The following IL1RAPL1 variants were observed in gnomAD, a reference collection of about 807,000 sequenced individuals.
IL1RAPL1 encodes interleukin-1 receptor accessory protein-like 1.
A neutral mutation model predicts 48.4 loss-of-function variants in IL1RAPL1; 3 were observed. The ratio of observed to expected loss-of-function variants is 0.06; its 90% CI spans 0.03 to 0.16. The LOEUF (loss-of-function observed/expected upper bound fraction) is 0.16, where lower values mean the gene tolerates loss of function less well. Ranked by LOEUF, IL1RAPL1 falls within the 10% of genes least tolerant of loss-of-function variation. The pLI is 1.00. For synonymous variants in IL1RAPL1, 185 were observed against 187.7 expected, an observed-to-expected ratio of 0.99 and a Z score of 0.12; for missense variants, 349 against 530.6, an observed-to-expected ratio of 0.66 and a Z score of 3.36.
At chrX:28,759,957 G>T (rs1936149495) in intron 1 of IL1RAPL1, among the ~76,000 whole-genome samples, 1 of 111,618 alleles carries the variant, frequency 9.0e-6, no homozygotes, top group African/African-American at 3.3e-5. Context: ...GTTTTCATTA[G>T]CTACTTTACC....
intron 2 of IL1RAPL1, among the ~76,000 whole-genome samples, chrX:28,971,130 A>C (rs1044334561): frequency 9.0e-6 from 1 of 111,397 alleles, no homozygotes; most frequent in African/African-American, 3.3e-5. Flanking sequence ...TGGCCAGGGT[A>C]TGATGGATTA....
At chrX:29,581,662 T>A (rs766158795) in intron 5 of IL1RAPL1, among the ~76,000 whole-genome samples, 81 of 111,828 alleles carry the variant, frequency 7.2e-4, no homozygotes, top group African/African-American at 2.5e-3. Context: ...ATTTTTTTTT[T>A]AAATCTTCGA....
chrX:29,918,144 A>AAAAAAAAAAAAAATATATATATATAT (rs1555935868), intron 7 of IL1RAPL1, among the ~76,000 whole-genome samples: 1 of 23,767 alleles, frequency 4.2e-5, no homozygotes, highest in Non-Finnish European at 6.6e-5. Flanking sequence ...AAAAAAAAAA[A>AAAAAAAAAAAAAATATATATATATAT]ATATATATAT....
chrX:28,907,715 A>T (rs1321758604), intron 2 of IL1RAPL1, among the ~76,000 whole-genome samples: 28 of 112,365 alleles, frequency 2.5e-4, no homozygotes. Context: ...TATTTGTTGT[A>T]ATGTCTATTA....
At chrX:29,402,963 T>C (rs1934013267) in intron 5 of IL1RAPL1, among the ~76,000 whole-genome samples, 1 of 111,838 alleles carries the variant, frequency 8.9e-6, no homozygotes, top group African/African-American at 3.3e-5. Flanking sequence ...CTGTTGATGT[T>C]GATCTTGATC....
chrX:29,623,937 G>A (rs1387878149), intron 5 of IL1RAPL1, among the ~76,000 whole-genome samples: 1 of 111,907 alleles, frequency 8.9e-6, no homozygotes, highest in Non-Finnish European at 1.9e-5. Flanking sequence ...AGCCCCCATA[G>A]TTAGCTGGAG....
chrX:28,972,165 T>C (rs1218609475), intron 2 of IL1RAPL1, among the ~76,000 whole-genome samples: 1 of 111,510 alleles, frequency 9.0e-6, no homozygotes, highest in Non-Finnish European at 1.9e-5. Flanking sequence ...ATCACTTATA[T>C]TGACTTCCTT....
intron 5 of IL1RAPL1, among the ~76,000 whole-genome samples, chrX:29,422,381 A>T (rs1312424267): frequency 9.0e-6 from 1 of 111,354 alleles, no homozygotes; most frequent in East Asian, 2.8e-4. Context: ...TCAGTTCAGC[A>T]TGTTAAAGTG....
At chrX:29,802,908 T>C (rs1192877575) in intron 6 of IL1RAPL1, among the ~76,000 whole-genome samples, 27 of 54,032 alleles carry the variant, frequency 5.0e-4, no homozygotes, top group Non-Finnish European at 6.5e-4. Context: ...TATATGTGTA[T>C]ATATGTGTAC....
At chrX:29,412,007 A>G (rs1172500608) in intron 5 of IL1RAPL1, among the ~76,000 whole-genome samples, 1 of 111,794 alleles carries the variant, frequency 8.9e-6, no homozygotes, top group African/African-American at 3.2e-5. Context: ...ATGGTGGCTC[A>G]CACCTGTAAT....
At chrX:28,903,729 C>A (rs1923144152) in intron 2 of IL1RAPL1, among the ~76,000 whole-genome samples, 1 of 110,688 alleles carries the variant, frequency 9.0e-6, no homozygotes, top group South Asian at 3.7e-4. Flanking sequence ...CAACAACTAA[C>A]CAAATATCTT....
chrX:29,253,755 C>T (rs1404940995), intron 2 of IL1RAPL1, among the ~76,000 whole-genome samples: 1 of 110,908 alleles, frequency 9.0e-6, no homozygotes, highest in Non-Finnish European at 1.9e-5. Flanking sequence ...TAGGTGGACC[C>T]TGTCAGGAGA....
chrX:29,802,945 A>G (rs376517893), intron 6 of IL1RAPL1, among the ~76,000 whole-genome samples: 1,431 of 50,202 alleles, frequency 0.029, 217 homozygotes, highest in African/African-American at 0.041. Context: ...GTACATATGT[A>G]TGCATATATG....
chrX:29,449,937 AAC>A (rs996964533), intron 5 of IL1RAPL1, among the ~76,000 whole-genome samples: 5 of 110,688 alleles, frequency 4.5e-5, no homozygotes, highest in Non-Finnish European at 9.5e-5. Flanking sequence ...CAAAAAAAAA[AAC>A]AGTCAGGAGA....
chrX:29,069,102 T>TTAGC (rs1217615071), intron 2 of IL1RAPL1, among the ~76,000 whole-genome samples: 1 of 112,156 alleles, frequency 8.9e-6, no homozygotes, highest in Admixed American at 9.5e-5. Context: ...CTTTCTTTGC[T>TTAGC]TAGCTAGCTC....
intron 5 of IL1RAPL1, among the ~76,000 whole-genome samples, chrX:29,445,548 C>T (rs930709533): frequency 8.9e-6 from 1 of 111,846 alleles, no homozygotes; most frequent in Non-Finnish European, 1.9e-5. Flanking sequence ...GAGTTTTATA[C>T]AATATACAGA....
chrX:29,024,411 A>T (rs1602016857), intron 2 of IL1RAPL1, among the ~76,000 whole-genome samples: 2 of 111,970 alleles, frequency 1.8e-5, no homozygotes, highest in South Asian at 7.3e-4. Flanking sequence ...TTAACAACAC[A>T]GATTTTAGCC....
At chrX:29,241,307 G>A (rs144593932) in intron 2 of IL1RAPL1, among the ~76,000 whole-genome samples, 120 of 111,994 alleles carry the variant, frequency 1.1e-3, no homozygotes, top group African/African-American at 3.1e-3. Flanking sequence ...GATAAAAATG[G>A]TGAGTTGGGA....
intron 2 of IL1RAPL1, among the ~76,000 whole-genome samples, chrX:29,203,187 A>T (rs1334143988): frequency 9.0e-6 from 1 of 111,082 alleles, no homozygotes; most frequent in Non-Finnish European, 1.9e-5. Context: ...TGGACCATCT[A>T]TATGTGGTCA....
Sources: allele counts gnomAD v4.1 joint callset (sites outside exome capture counted in the v4.1 genomes callset), GRCh38; gene constraint gnomAD v4.1.1; transcripts MANE v1.5; gene names NCBI Gene and HGNC (gene_info 2026-07-23, HGNC 2026-07-21).